The following CLUH variants were observed in gnomAD, a reference collection of about 807,000 sequenced individuals.
CLUH encodes clustered mitochondria protein homolog.
In CLUH, 77 loss-of-function variants were observed where a neutral mutation model predicts 139.3. The observed-to-expected ratio is 0.55, with a 90% CI of 0.46 to 0.67. The LOEUF (loss-of-function observed/expected upper bound fraction) is 0.67. Ranked by LOEUF, CLUH falls within the 30% of genes least tolerant of loss-of-function variation. CLUH has a pLI of 0.00. For missense variants in CLUH, 1,876 were observed against 1,875.8 expected (o/e 1.00, Z 0.00); for synonymous variants, 999 against 801.6 (o/e 1.25, Z -4.16).
Position 2,694,976 on chromosome 17 carries a change from C to T in CLUH, c.2733G>A (p.Arg911=). Residue 911 remains arginine, a synonymous_variant, in exon 16 of 26, where the codon AGG becomes AGA. Coordinates refer to ENST00000651024, the MANE Select transcript of CLUH (RefSeq NM_001366661.1). ...DELVSKKRNK[R]RKNRPPGAAD... ...CAGCCCCCGGGGGCCGGTTTTTCCT[C>T]CTCTTATTCCGCTTCTTGGAGACCA... The T allele has an allele frequency of 6.2e-7, 1 of 1,613,482 alleles. No homozygotes were observed.
Position 2,704,288 on chromosome 17 carries a change from C to A in CLUH, c.303+74G>T. 2.7e-6 allele frequency: 4 copies of A among 1,487,616 alleles called. No homozygotes were observed. The highest frequency in any genetic ancestry group is 3.6e-6 in the Non-Finnish European group (4 of 1,096,364). 92.2% of individuals were successfully genotyped at this position (1,487,616 alleles called of 1,614,324 possible). On this transcript the variant is annotated intron_variant, in intron 2 of 25. Transcript: ENST00000651024. The surrounding 1 kb of genome is among the most constrained non-coding windows in gnomAD (Gnocchi z 5.7). Reference sequence around the variant, plus strand: ...AAAATGGGGCCGGTAGGAGCACGAGCAAGGCTGAGCTTTCCAGCTCACCCT... The same window carrying A: ...AAAATGGGGCCGGTAGGAGCACGAGAAAGGCTGAGCTTTCCAGCTCACCCT...
At position 2,706,922 on chromosome 17, in the gene CLUH, A is replaced by T. The variant is rs1010944151; in HGVS notation, c.101-2358T>A. ...TGGAATGGGAGGACAGAAAGGAGGGACGACAAGGCAAGGTGGCCGCGGCTC... is the reference window on the plus strand; with the variant it reads ...TGGAATGGGAGGACAGAAAGGAGGGTCGACAAGGCAAGGTGGCCGCGGCTC... On this transcript the variant is annotated intron_variant, in intron 1 of 25. Coordinates refer to ENST00000651024, the MANE Select transcript of CLUH (RefSeq NM_001366661.1). The surrounding 1 kb of genome is among the most constrained non-coding windows in gnomAD (Gnocchi z 4.6). Among the ~76,000 whole-genome samples the T allele has an allele frequency of 3.3e-5, 5 of 152,140 alleles. No homozygotes were observed. Among genetic ancestry groups the T allele is most frequent in the Non-Finnish European group, 7.4e-5 (5 of 68,012 alleles).
At position 2,707,423 on chromosome 17, in the gene CLUH, A is replaced by C; in HGVS notation, c.101-2859T>G. 2.0e-6 allele frequency: 2 copies of C among 985,352 alleles called. No homozygotes were observed. Among genetic ancestry groups the C allele is most frequent in the Non-Finnish European group, 2.4e-6 (2 of 829,898 alleles). The allele number at this position is 985,352 out of a possible 1,614,324, so 61.0% of individuals were successfully genotyped here. A position where few individuals can be genotyped will look rare whatever the true frequency, so the allele number is the denominator to read the frequency against. ...ACTCCCCCTGCCTGGCATCCCGCTC[A>C]AGGTCGGCCAGAAGGACGGCTGTGG... On this transcript the variant is annotated intron_variant, in intron 1 of 25. Transcript: ENST00000651024. This position sits in a 1 kb window ranked among gnomAD's most constrained non-coding sequence, Gnocchi z 7.4.
chr17:2,701,355 C>G lies in CLUH; in HGVS notation c.899+11G>C, dbSNP rs754681105. On this transcript the variant is annotated intron_variant, in intron 6 of 25. Transcript: ENST00000651024. ...ACGGCAGGGGGGTGTGGTGGGCTGG[C>G]AGGGACTCACTGATTCAGGTAAAAG... The G allele has an allele frequency of 6.2e-7, 1 of 1,605,364 alleles. No individual in the cohort carries two copies. Among genetic ancestry groups the G allele is most frequent in the South Asian group, 1.1e-5 (1 of 89,858 alleles).
intron 1 of CLUH, among the ~76,000 whole-genome samples, chr17:2,708,271 T>C (rs538145387): frequency 6.6e-6 from 1 of 152,282 alleles, no homozygotes; most frequent in Non-Finnish European, 1.5e-5. Flanking sequence ...GTTCTGGGTC[T>C]CACACAATGA....
chr17:2,695,410 C>T lies in CLUH; in HGVS notation c.2508G>A (p.Leu836=). Residue 836 remains leucine, a synonymous_variant, in exon 14 of 26, where the codon CTG becomes CTA. Transcript: ENST00000651024. ...RYLGKVLELV[L]RSPARHQLDH... ...CCAGCTGGTGGCGGGCCGGGCTCCGCAGCACCAGCTCCAGCACCTTGCCCA... is the reference window on the plus strand; with the variant it reads ...CCAGCTGGTGGCGGGCCGGGCTCCGTAGCACCAGCTCCAGCACCTTGCCCA... 6.2e-7 allele frequency: 1 copy of T among 1,612,718 alleles called. No individual in the cohort carries two copies. Among genetic ancestry groups the T allele is most frequent in the Non-Finnish European group, 8.5e-7 (1 of 1,179,740 alleles).
At chr17:2,701,073 A>G (rs1345018553) in intron 7 of CLUH, 67 bp downstream of exon 7, 2 of 1,609,468 alleles carry the variant, frequency 1.2e-6, no homozygotes, top group African/African-American at 1.3e-5. Flanking sequence ...ACTGGAGTGC[A>G]GGTGGGCCGG....
chr17:2,702,148 A>G (rs1335915247), intron 3 of CLUH, 91 bp from the exon 4 acceptor site: 2 of 1,454,860 alleles, frequency 1.4e-6, no homozygotes, highest in East Asian at 4.9e-5. Flanking sequence ...AGGTGCTAAC[A>G]CAGTGGTTTT....
chr17:2,693,141 C>CAATAAAAAAAAA (rs1555529823), intron 19 of CLUH, among the ~76,000 whole-genome samples: 3 of 73,788 alleles, frequency 4.1e-5, no homozygotes, highest in Admixed American at 1.8e-4. Flanking sequence ...AAAAATGTTA[C>CAATAAAAAAAAA]AAAAAAAAAA....
intron 1 of CLUH, chr17:2,711,297 G>A (rs1275575280): frequency 1.3e-5 from 2 of 152,178 alleles, no homozygotes; most frequent in East Asian, 3.9e-4. Flanking sequence ...GTGCGCGCAC[G>A]TGTCCCCGCG....
chr17:2,692,268 G>A lies in CLUH; in HGVS notation c.3560+93C>T, dbSNP rs1239419636. The A allele has an allele frequency of 8.9e-6, 13 of 1,459,558 alleles. No individual in the cohort carries two copies. In the African/African-American group the frequency reaches 9.9e-5, roughly 11 times the overall value. The allele number at this position is 1,459,558 out of a possible 1,614,324, so 90.4% of individuals were successfully genotyped here. ...AGGTCGAGAGAAATTTTCTCGGGTG[G>A]AGGAAGACAGGAGCACTGGGTCTCT... is the stretch of plus-strand genomic sequence containing the variant. On this transcript the variant is annotated intron_variant, in intron 22 of 25. Coordinates refer to ENST00000651024, the MANE Select transcript of CLUH (RefSeq NM_001366661.1).
chr17:2,699,543 G>A (rs932110023), intron 9 of CLUH, among the ~76,000 whole-genome samples: 1 of 151,982 alleles, frequency 6.6e-6, no homozygotes, highest in African/African-American at 2.4e-5. Context: ...TCGTAGGCTG[G>A]TTTCCAACTC....
intron 3 of CLUH, among the ~76,000 whole-genome samples, chr17:2,702,480 T>TGG (rs2151716111): frequency 6.6e-6 from 1 of 152,298 alleles, no homozygotes; most frequent in Non-Finnish European, 1.5e-5. Context: ...GCCCCCAATG[T>TGG]CAACACTGCC....
chr17:2,701,659 C>T lies in CLUH; in HGVS notation c.698G>A (p.Arg233Gln), dbSNP rs1196578727. 6 of 1,601,406 alleles carry T rather than the reference C, an allele frequency of 3.7e-6. No individual in the cohort carries two copies. In the African/African-American group the frequency reaches 4.0e-5, roughly 11 times the overall value. The change falls in exon 5 of 26, where the codon CGG (arginine) becomes CAG (glutamine). Residue 233 changes from arginine (R) to glutamine (Q), a missense_variant. This residue lies in a region of CLUH where 270 missense variants were observed against 354.7 expected (regional missense o/e 0.76). Transcript: ENST00000651024. Reference sequence around the variant, plus strand: ...CTGCAGGGGACACAGTGGCCGCTCCCGGCTCCCTGGCAGGATGTACTCGGG... The same window carrying T: ...CTGCAGGGGACACAGTGGCCGCTCCTGGCTCCCTGGCAGGATGTACTCGGG... ...TPPEYILPGS[R>Q]ERPLCPLQPQ...
Position 2,692,041 on chromosome 17 carries a change from T to C in CLUH, c.3617A>G (p.Gln1206Arg). 2.5e-6 allele frequency: 4 copies of C among 1,597,764 alleles called. No homozygotes were observed. Among genetic ancestry groups the C allele is most frequent in the Non-Finnish European group, 3.4e-6 (4 of 1,172,522 alleles). Residue 1206 changes from glutamine (Q) to arginine (R), a missense_variant, in exon 23 of 26, where the codon CAG becomes CGG. Physicochemically the swap from Gln to Arg is conservative, Grantham distance 43. Coordinates refer to ENST00000651024, the MANE Select transcript of CLUH (RefSeq NM_001366661.1). ...ESKAEFRSALQHEKEGYTIYK... is the reference protein window; with the variant it reads ...ESKAEFRSALRHEKEGYTIYK... Reference sequence around the variant, plus strand: ...GATGGTGTAACCCTCCTTCTCGTGCTGCAGGGCCGACCGGAACTCAGCTTT... The same window carrying C: ...GATGGTGTAACCCTCCTTCTCGTGCCGCAGGGCCGACCGGAACTCAGCTTT...
chr17:2,694,602 C>T (rs768080928), intron 16 of CLUH, 38 bp from the exon 17 acceptor site: 205 of 1,523,266 alleles, frequency 1.3e-4, no homozygotes, highest in Admixed American at 1.8e-4. Context: ...GCCCAAGCAC[C>T]GCCGGGCCCC....
intron 1 of CLUH, among the ~76,000 whole-genome samples, chr17:2,710,266 A>T (rs1247899094): frequency 6.6e-6 from 1 of 152,252 alleles, no homozygotes; most frequent in Non-Finnish European, 1.5e-5. Context: ...TCAGAGCCAC[A>T]TCAGCACAAA....
chr17:2,701,913 C>A lies in CLUH; in HGVS notation c.619+1G>T. On this transcript the variant is annotated splice_donor_variant, in intron 4 of 25. Coordinates refer to ENST00000651024, the MANE Select transcript of CLUH (RefSeq NM_001366661.1). LOFTEE classifies it high-confidence loss of function. ...ATCCCCGGCCCCAGTGCCTCCCGCA[C>A]CTCCCAGGTCGCCGTCGGTGAAGAC... The A allele has an allele frequency of 1.2e-6, 2 of 1,613,728 alleles. No homozygotes were observed. The highest frequency in any genetic ancestry group is 1.7e-6 in the Non-Finnish European group (2 of 1,179,906).
In CLUH at chr17:2,692,710, G is replaced by A. The variant is rs1211277804; in HGVS notation, c.3313-14C>T. On this transcript the variant is annotated splice_polypyrimidine_tract_variant and intron_variant, in intron 20 of 25. Transcript: ENST00000651024. Reference sequence around the variant, plus strand: ...GGCCAGGTGCATCTGCGGGCGGGGCGGAGACAGGTCAGGGTGGCCGCGGAC... The same window carrying A: ...GGCCAGGTGCATCTGCGGGCGGGGCAGAGACAGGTCAGGGTGGCCGCGGAC... The A allele has an allele frequency of 6.8e-6, 11 of 1,608,638 alleles. No individual in the cohort carries two copies. The highest frequency in any genetic ancestry group is 6.7e-5 in the East Asian group (3 of 44,744).
Sources: gnomAD v4.1 joint callset for allele counts (sites outside exome capture counted in the v4.1 genomes callset) on GRCh38, gnomAD v4.1.1 for gene constraint, gnomAD v4.1.1 regional missense constraint, Gnocchi (gnomAD v3.1) non-coding constraint, MANE v1.5 for transcripts, NCBI Gene and HGNC (gene_info 2026-07-23, HGNC 2026-07-21) for gene names.